The following DOCK4 variants were observed in gnomAD, a reference collection of about 807,000 sequenced individuals.
DOCK4 encodes dedicator of cytokinesis 4.
Under a neutral mutation model 268.1 loss-of-function variants are expected in DOCK4, and 97 were observed. That is an observed-to-expected ratio of 0.36 (90% CI 0.31 to 0.43). The LOEUF (loss-of-function observed/expected upper bound fraction) is 0.43, where lower values mean the gene tolerates loss of function less well. Ranked by LOEUF, DOCK4 falls within the 20% of genes least tolerant of loss-of-function variation. DOCK4 has a pLI of 1.00. For synonymous variants in DOCK4, 954 were observed against 887.2 expected, an observed-to-expected ratio of 1.08 and a Z score of -1.34; for missense variants, 2,145 against 2,455.7, an observed-to-expected ratio of 0.87 and a Z score of 2.67.
chr7:112,079,628 T>A (rs1808402976), intron 1 of DOCK4, among the ~76,000 whole-genome samples: 1 of 152,202 alleles, frequency 6.6e-6, no homozygotes, highest in African/African-American at 2.4e-5. Context: ...AATTGGGAAC[T>A]TTAAAACTAT....
intron 25 of DOCK4, among the ~76,000 whole-genome samples, chr7:111,838,906 C>A (rs1803454905): frequency 6.6e-6 from 1 of 152,154 alleles, no homozygotes; most frequent in South Asian, 2.1e-4. Flanking sequence ...CATATGACAA[C>A]ACTATGATTT....
chr7:111,770,751 C>G (rs1238187881), intron 36 of DOCK4, among the ~76,000 whole-genome samples: 2 of 152,208 alleles, frequency 1.3e-5, no homozygotes, highest in African/African-American at 4.8e-5. Context: ...TCAGGTTTCT[C>G]AAAAGACATA....
At position 111,935,599 on chromosome 7, in the gene DOCK4, ATTTGGTACCAC is replaced by A; in HGVS notation, c.996_1006del (p.Glu332AspfsTer3). 1.2e-6 allele frequency: 2 copies of A among 1,613,924 alleles called. No homozygotes were observed. Among genetic ancestry groups the A allele is most frequent in the Non-Finnish European group, 1.7e-6 (2 of 1,179,848 alleles). ...CAGCTTTTTGATGATGTTCTCATGG[ATTTGGTACCAC>A]TCACTCTCTGTGTTACACCTATGAA... On this transcript the variant is annotated frameshift_variant, in exon 12 of 53. Coordinates refer to ENST00000428084, the MANE Select transcript of DOCK4 (RefSeq NM_001363540.2). LOFTEE classifies it high-confidence loss of function.
intron 6 of DOCK4, among the ~76,000 whole-genome samples, chr7:111,987,576 G>C (rs1390711644): frequency 6.6e-6 from 1 of 152,222 alleles, no homozygotes; most frequent in Non-Finnish European, 1.5e-5. Context: ...ATAATCTCCT[G>C]TGAAATTCAT....
At chr7:111,791,276 TACACACACACAC>T (rs147004808) in intron 30 of DOCK4, among the ~76,000 whole-genome samples, 1 of 134,834 alleles carries the variant, frequency 7.4e-6, no homozygotes, top group Non-Finnish European at 1.5e-5. Context: ...ATTTAAAAAA[TACACACACACAC>T]ACACACACAC....
intron 1 of DOCK4, among the ~76,000 whole-genome samples, chr7:112,062,783 G>A (rs1025657075): frequency 2.6e-5 from 4 of 152,132 alleles, no homozygotes; most frequent in African/African-American, 7.2e-5. Context: ...GGGTTCAAGC[G>A]ATTCTCCTGC....
rs77130118 is a variant in DOCK4 at position 112,135,373 on chromosome 7, A to G, written c.37+70729T>C. On this transcript the variant is annotated intron_variant, in intron 1 of 52. Transcript: ENST00000428084. The stretch of plus-strand genomic sequence containing the variant: ...CTATCTATTCTTACTTCTTCTCATT[A>G]TACTTCCCTGATGCAGTACCATACA... 5.7e-3 allele frequency among the ~76,000 whole-genome samples: 875 copies of G among 152,236 alleles called. 9 individuals carry two copies. Among genetic ancestry groups the G allele is most frequent in the African/African-American group, 0.02 (821 of 41,548 alleles).
intron 1 of DOCK4, among the ~76,000 whole-genome samples, chr7:112,104,969 A>G (rs1431378935): frequency 2.0e-5 from 3 of 152,234 alleles, no homozygotes; most frequent in African/African-American, 7.2e-5. Flanking sequence ...TTATGTCTCA[A>G]GAAAGGGATT....
intron 1 of DOCK4, among the ~76,000 whole-genome samples, chr7:112,173,419 C>T (rs947109261): frequency 3.3e-5 from 5 of 152,228 alleles, no homozygotes; most frequent in Non-Finnish European, 4.4e-5. Context: ...GACTTAGTGG[C>T]GAGGCAGCTG....
At chr7:112,012,344 C>CA (rs111700199) in intron 1 of DOCK4, among the ~76,000 whole-genome samples, 2,515 of 130,264 alleles carry the variant, frequency 0.019, 99 homozygotes, top group Admixed American at 0.1. Context: ...GATAAGGCAG[C>CA]AAAAAAAAAA....
At chr7:112,018,821 A>G (rs987545270) in intron 1 of DOCK4, among the ~76,000 whole-genome samples, 2 of 152,170 alleles carry the variant, frequency 1.3e-5, no homozygotes, top group Non-Finnish European at 2.9e-5. Context: ...ATTTTCCAAA[A>G]TATCTTCAAA....
chr7:112,155,091 G>A (rs1209534549), intron 1 of DOCK4, among the ~76,000 whole-genome samples: 1 of 152,160 alleles, frequency 6.6e-6, no homozygotes, highest in Non-Finnish European at 1.5e-5. Context: ...AACTGACAAG[G>A]AAATTGATAA....
At chr7:112,132,349 G>C (rs1057378900) in intron 1 of DOCK4, among the ~76,000 whole-genome samples, 8 of 152,074 alleles carry the variant, frequency 5.3e-5, no homozygotes, top group African/African-American at 1.9e-4. Flanking sequence ...CATCTCAAAA[G>C]GATGTCTAGG....
intron 49 of DOCK4, among the ~76,000 whole-genome samples, chr7:111,737,868 C>T (rs1215450857): frequency 6.6e-6 from 1 of 152,170 alleles, no homozygotes; most frequent in Non-Finnish European, 1.5e-5. Context: ...AGGGAAATAG[C>T]TAGTCCAGCC....
At chr7:112,011,590 G>T (rs759624745) in intron 1 of DOCK4, among the ~76,000 whole-genome samples, 2 of 151,248 alleles carry the variant, frequency 1.3e-5, no homozygotes, top group African/African-American at 2.4e-5. Flanking sequence ...ACATCAGGAG[G>T]GAATTTTTCC....
At chr7:111,933,065 T>C (rs1476023556) in intron 12 of DOCK4, among the ~76,000 whole-genome samples, 2 of 148,388 alleles carry the variant, frequency 1.3e-5, no homozygotes, top group Non-Finnish European at 3.0e-5. Context: ...TGTATATATA[T>C]ACATATATAT....
chr7:111,994,966 G>A (rs1799811820), intron 4 of DOCK4, among the ~76,000 whole-genome samples: 1 of 151,820 alleles, frequency 6.6e-6, no homozygotes, highest in African/African-American at 2.4e-5. Flanking sequence ...ATATCTAGTA[G>A]GGTGTGTATG....
In DOCK4 at chr7:111,987,865, T is replaced by C. The variant is rs566726509; in HGVS notation, c.464+1150A>G. Reference sequence around the variant, plus strand: ...AATGAATCTTCTAGAGATAAATGAATTGGGCTCTTCTATTCATTGTCTGTA... The same window carrying C: ...AATGAATCTTCTAGAGATAAATGAACTGGGCTCTTCTATTCATTGTCTGTA... On this transcript the variant is annotated intron_variant, in intron 6 of 52. Coordinates refer to ENST00000428084, the MANE Select transcript of DOCK4 (RefSeq NM_001363540.2). Among the ~76,000 whole-genome samples, 5 of 152,340 alleles carry C rather than the reference T, an allele frequency of 3.3e-5. No homozygotes were observed. In the East Asian group the frequency reaches 9.6e-4, roughly 29 times the overall value.
In DOCK4 at chr7:111,846,990, T is replaced by A. The variant is rs376569450; in HGVS notation, c.2601+9A>T. ...AGGGAGCTATATACTATGACCTGTA[T>A]TTACTTACTGAGCTATTTTTCTTGA... is the stretch of plus-strand genomic sequence containing the variant. On this transcript the variant is annotated intron_variant, in intron 24 of 52. Transcript: ENST00000428084. The A allele has an allele frequency of 6.2e-7, 1 of 1,613,396 alleles. No individual in the cohort carries two copies.
Sources: allele counts gnomAD v4.1 joint callset (sites outside exome capture counted in the v4.1 genomes callset), GRCh38; gene constraint gnomAD v4.1.1; transcripts MANE v1.5; gene names NCBI Gene and HGNC (gene_info 2026-07-23, HGNC 2026-07-21).